BBX: variants seen among roughly 807,000 people sequenced by gnomAD.
BBX encodes HMG box transcription factor BBX.
Under a neutral mutation model 100.2 loss-of-function variants are expected in BBX, and 30 were observed. That is an observed-to-expected ratio of 0.30 (90% CI 0.22 to 0.41). The LOEUF (loss-of-function observed/expected upper bound fraction) is 0.41, where lower values mean the gene tolerates loss of function less well. Ranked by LOEUF, BBX falls within the 10% of genes least tolerant of loss-of-function variation. BBX has a pLI of 1.00. For missense variants in BBX, 1,023 were observed against 1,129.8 expected (o/e 0.91, Z 1.35); for synonymous variants, 376 against 388.1 (o/e 0.97, Z 0.37).
At chr3:107,748,060 T>A in intron 9 of BBX, 21 bp downstream of exon 9, 1 of 1,599,474 alleles carries the variant, frequency 6.3e-7, no homozygotes, top group Non-Finnish European at 8.5e-7. Context: ...TTTAAAATGC[T>A]TTTTAGGCTA....
intron 2 of BBX, among the ~76,000 whole-genome samples, chr3:107,535,302 G>T (rs2048412690): frequency 6.6e-6 from 1 of 151,920 alleles, no homozygotes; most frequent in South Asian, 2.1e-4. Flanking sequence ...TTGAAACTCT[G>T]TACTTTATCA....
rs148244177 is a variant in BBX at position 107,674,493 on chromosome 3, T to A, written c.-10+28584T>A. On this transcript the variant is annotated intron_variant, in intron 3 of 17. Transcript: ENST00000325805. ...GTAATGACTTTGGGACTCTGGACAT[T>A]TAGCTGGATGACTGATCCCAGTGTA... is the stretch of plus-strand genomic sequence containing the variant. 4.7e-3 allele frequency among the ~76,000 whole-genome samples: 717 copies of A among 152,260 alleles called. 3 individuals are homozygous for A. The highest frequency in any genetic ancestry group is 7.3e-3 in the Non-Finnish European group (498 of 68,014).
chr3:107,801,016 A>T, intron 16 of BBX, 79 bp from the exon 17 acceptor site: 1 of 1,367,318 alleles, frequency 7.3e-7, no homozygotes, highest in Admixed American at 2.1e-5. Flanking sequence ...TTTCATGTTG[A>T]CTGGCACAGC....
chr3:107,627,819 C>G (rs1418268036), intron 2 of BBX, among the ~76,000 whole-genome samples: 1 of 151,864 alleles, frequency 6.6e-6, no homozygotes, highest in Non-Finnish European at 1.5e-5. Context: ...AAAGCATGAA[C>G]TTTCTTATTT....
intron 7 of BBX, among the ~76,000 whole-genome samples, chr3:107,737,978 T>C (rs1454122231): frequency 7.0e-6 from 1 of 142,128 alleles, no homozygotes; most frequent in Non-Finnish European, 1.5e-5. Flanking sequence ...TCTGAAATGC[T>C]CTAGTGAGCA....
chr3:107,780,377 A>G (rs1359570593), intron 13 of BBX, among the ~76,000 whole-genome samples: 5 of 152,210 alleles, frequency 3.3e-5, no homozygotes, highest in African/African-American at 1.2e-4. Context: ...TTGTAAAGCT[A>G]TAAAACCCTG....
chr3:107,771,404 TG>T (rs10708901), intron 10 of BBX, among the ~76,000 whole-genome samples: 95,478 of 151,968 alleles, frequency 0.63, 30,578 homozygotes, highest in East Asian at 0.93. Flanking sequence ...ACGTGAAATT[TG>T]GGGAGTTTTG....
chr3:107,691,949 A>G (rs537014953), intron 3 of BBX, among the ~76,000 whole-genome samples: 5 of 152,074 alleles, frequency 3.3e-5, no homozygotes, highest in Non-Finnish European at 4.4e-5. Flanking sequence ...TTGTTTTGCA[A>G]CCATTAAGAT....
chr3:107,604,491 G>C (rs1458298894), intron 2 of BBX, among the ~76,000 whole-genome samples: 1 of 152,026 alleles, frequency 6.6e-6, no homozygotes, highest in Non-Finnish European at 1.5e-5. Context: ...GGGTACTTTT[G>C]GGACTGAGCC....
intron 2 of BBX, among the ~76,000 whole-genome samples, chr3:107,635,599 A>G (rs1464968664): frequency 1.3e-5 from 2 of 152,224 alleles, no homozygotes; most frequent in African/African-American, 4.8e-5. Flanking sequence ...GAATATCATC[A>G]TGTGCCAAAA....
intron 8 of BBX, among the ~76,000 whole-genome samples, chr3:107,746,149 G>T (rs1328105202): frequency 2.0e-5 from 3 of 152,088 alleles, no homozygotes; most frequent in African/African-American, 7.2e-5. Context: ...AATTCTTAAA[G>T]GAATATATTG....
intron 2 of BBX, among the ~76,000 whole-genome samples, chr3:107,611,576 G>A (rs1275735033): frequency 6.6e-6 from 1 of 152,134 alleles, no homozygotes. Flanking sequence ...GGCTTGTGAG[G>A]TTTCCACTGA....
chr3:107,598,435 A>G (rs898513446), intron 2 of BBX, among the ~76,000 whole-genome samples: 3 of 152,206 alleles, frequency 2.0e-5, no homozygotes, highest in Non-Finnish European at 2.9e-5. Flanking sequence ...TCTTACTCAC[A>G]TTGACTAGTA....
At chr3:107,547,375 G>T (rs920224462) in intron 2 of BBX, among the ~76,000 whole-genome samples, 1 of 152,088 alleles carries the variant, frequency 6.6e-6, no homozygotes, top group Non-Finnish European at 1.5e-5. Context: ...TGTAAGTGAT[G>T]ATTGTGCCCT....
chr3:107,639,768 T>G (rs905919174), intron 2 of BBX, among the ~76,000 whole-genome samples: 1 of 152,188 alleles, frequency 6.6e-6, no homozygotes, highest in Non-Finnish European at 1.5e-5. Flanking sequence ...AAAGATCTTA[T>G]GGCAATGTAC....
intron 2 of BBX, among the ~76,000 whole-genome samples, chr3:107,547,577 CT>C (rs1170984538): frequency 6.6e-6 from 1 of 152,082 alleles, no homozygotes; most frequent in Non-Finnish European, 1.5e-5. Context: ...TTGTTCTACC[CT>C]TCAATAAATG....
At chr3:107,667,751 A>G (rs1481904417) in intron 3 of BBX, among the ~76,000 whole-genome samples, 2 of 152,038 alleles carry the variant, frequency 1.3e-5, no homozygotes, top group African/African-American at 4.8e-5. Context: ...GGTTTATGTA[A>G]TTATCCAAGG....
chr3:107,754,260 G>A (rs747759956), intron 9 of BBX, among the ~76,000 whole-genome samples: 6 of 152,140 alleles, frequency 3.9e-5, no homozygotes, highest in Non-Finnish European at 8.8e-5. Flanking sequence ...TAATGTGTTT[G>A]TTTTCTCTTA....
At chr3:107,627,945 T>C (rs2056303648) in intron 2 of BBX, among the ~76,000 whole-genome samples, 1 of 152,048 alleles carries the variant, frequency 6.6e-6, no homozygotes, top group Admixed American at 6.5e-5. Context: ...TAGCAATGAA[T>C]AATAAGGGAA....
Sources: gnomAD v4.1 joint callset for allele counts (sites outside exome capture counted in the v4.1 genomes callset) on GRCh38, gnomAD v4.1.1 for gene constraint, MANE v1.5 for transcripts, NCBI Gene and HGNC (gene_info 2026-07-23, HGNC 2026-07-21) for gene names.